Variants in SF3B3 observed in about 807,000 individuals in gnomAD.
SF3B3 encodes the protein SAP 130.
In SF3B3, 33 loss-of-function variants were observed where a neutral mutation model predicts 139.2. That is an observed-to-expected ratio of 0.24 (90% confidence interval 0.18 to 0.32). The LOEUF (loss-of-function observed/expected upper bound fraction) is 0.32. Ranked by LOEUF, SF3B3 falls within the 10% of genes least tolerant of loss-of-function variation. The probability of loss-of-function intolerance (pLI) is 1.00; values close to 1 mark genes in which losing one functional copy is unlikely to be tolerated. For missense variants in SF3B3, 818 were observed against 1,509.4 expected (o/e 0.54, Z 7.59); for synonymous variants, 596 against 563.6 (o/e 1.06, Z -0.81).
intron 8 of SF3B3, among the ~76,000 whole-genome samples, chr16:70,540,977 C>T (rs2050214382): frequency 6.6e-6 from 1 of 152,188 alleles, no homozygotes; most frequent in Admixed American, 6.5e-5. Context: ...AGTGGAATTA[C>T]TGGGTCATGG....
intron 21 of SF3B3, 121 bp downstream of exon 21, chr16:70,567,657 A>G (rs2050489689): frequency 1.7e-6 from 2 of 1,198,754 alleles, no homozygotes; most frequent in African/African-American, 1.6e-5. Flanking sequence ...TGTTACCCCA[A>G]TTCCAGCTTC....
At position 70,563,930 on chromosome 16, in the gene SF3B3, G is replaced by T. The variant is rs907710605; in HGVS notation, c.2343G>T (p.Leu781=). 9 of 1,613,958 alleles carry T rather than the reference G, an allele frequency of 5.6e-6. No homozygotes were observed. Among genetic ancestry groups the T allele is most frequent in the Non-Finnish European group, 7.6e-6 (9 of 1,180,008 alleles). Residue 781 remains leucine, a synonymous_variant, in exon 18 of 26, where the codon CTG becomes CTT. Transcript: ENST00000302516. ...TCTTCAATCAAGTAGCCTTCCCACT[G>T]CAGTACACACCCAGGAAATTTGTCA... ...GAVFNQVAFP[L]QYTPRKFVIH...
At chr16:70,568,532 G>A (rs761518947) in intron 22 of SF3B3, 37 bp downstream of exon 22, 2 of 1,537,640 alleles carry the variant, frequency 1.3e-6, no homozygotes, top group Non-Finnish European at 1.8e-6. Flanking sequence ...ACAGTGATGT[G>A]TAGGAAAGCT....
At chr16:70,527,136 C>T (rs2050071952) in intron 2 of SF3B3, 1 of 171,256 alleles carries the variant, frequency 5.8e-6, no homozygotes, top group South Asian at 1.7e-4. Context: ...TGGTTTGGTG[C>T]TTGAAGAGAT....
intron 16 of SF3B3, chr16:70,561,309 C>G (rs2050426460): frequency 5.0e-6 from 1 of 201,320 alleles, no homozygotes. Flanking sequence ...GCATGAGCCA[C>G]CGCACCTGGC....
chr16:70,536,471 TC>T (rs1422849873), intron 6 of SF3B3, among the ~76,000 whole-genome samples: 2 of 151,882 alleles, frequency 1.3e-5, no homozygotes, highest in African/African-American at 4.8e-5. Context: ...TCACGCCATT[TC>T]TCCTGCCTCA....
intron 20 of SF3B3, among the ~76,000 whole-genome samples, chr16:70,567,079 C>G (rs1270608210): frequency 6.6e-6 from 1 of 151,812 alleles, no homozygotes; most frequent in Non-Finnish European, 1.5e-5. Context: ...TCACTTTTCA[C>G]TAGCATTTCT....
intron 2 of SF3B3, among the ~76,000 whole-genome samples, chr16:70,528,361 C>T (rs1305997985): frequency 1.3e-5 from 2 of 150,264 alleles, no homozygotes; most frequent in Admixed American, 6.7e-5. Context: ...GATGGGATCC[C>T]ACCATGTTGG....
rs1428234482 is a variant in SF3B3 at position 70,569,026 on chromosome 16, G to T, written c.3166-17G>T. On this transcript the variant is annotated splice_polypyrimidine_tract_variant and intron_variant, in intron 22 of 25. Transcript: ENST00000302516. ...GGTCCGGGCCCCAGCAGTGTGACTTGTGTCACTTCCTTGTAGGTGAGGCTC... is the reference window on the plus strand; with the variant it reads ...GGTCCGGGCCCCAGCAGTGTGACTTTTGTCACTTCCTTGTAGGTGAGGCTC... The T allele has an allele frequency of 2.5e-6, 4 of 1,585,418 alleles. No homozygotes were observed. In the African/African-American group the frequency reaches 5.4e-5, roughly 21 times the overall value.
chr16:70,545,355 C>T (rs2050258477), intron 10 of SF3B3, among the ~76,000 whole-genome samples: 1 of 152,256 alleles, frequency 6.6e-6, no homozygotes, highest in South Asian at 2.1e-4. Context: ...CCGTGAGCCA[C>T]CGCACCTGGC....
chr16:70,546,976 C>T (rs1015136932), intron 10 of SF3B3, among the ~76,000 whole-genome samples: 12 of 151,840 alleles, frequency 7.9e-5, no homozygotes, highest in African/African-American at 1.5e-4. Flanking sequence ...TGCAGTGAGC[C>T]AAGATCGCGC....
chr16:70,575,664 CT>C lies in SF3B3; in HGVS notation c.*3852del, dbSNP rs1416796865. 1 of 152,340 alleles carries C rather than the reference CT, an allele frequency of 6.6e-6. No homozygotes were observed. The highest frequency in any genetic ancestry group is 2.4e-5 in the African/African-American group (1 of 41,470). The allele number at this position is 152,340 out of a possible 1,614,324, so 9.4% of individuals were successfully genotyped here. A position where few individuals can be genotyped will look rare whatever the true frequency, so the allele number is the denominator to read the frequency against. On this transcript the variant is annotated 3_prime_UTR_variant, in exon 26 of 26. Coordinates refer to ENST00000302516, the MANE Select transcript of SF3B3 (RefSeq NM_012426.5). ...GTTTATAACCAGGCAGTCTCTGTCG[CT>C]GTGAGGTTGGTGGTGAGGTGAGTCT...
In SF3B3 at chr16:70,565,401, A is replaced by G; in HGVS notation, c.2703A>G (p.Glu901=). ...TGTGCAGGTTTTCCAACACTGGTGAAGACTGGTATGTGCTGGTGGGTGTGG... is the reference window on the plus strand; with the variant it reads ...TGTGCAGGTTTTCCAACACTGGTGAGGACTGGTATGTGCTGGTGGGTGTGG... ...VAVCRFSNTG[E]DWYVLVGVAK... The change falls in exon 20 of 26, where the codon GAA becomes GAG. Residue 901 remains glutamate (E), a synonymous_variant. Transcript: ENST00000302516. 6.2e-7 allele frequency: 1 copy of G among 1,614,136 alleles called. No homozygotes were observed. The highest frequency in any genetic ancestry group is 8.5e-7 in the Non-Finnish European group (1 of 1,180,038).
At position 70,557,526 on chromosome 16, in the gene SF3B3, T is replaced by G. The variant is rs574865577; in HGVS notation, c.2010+497T>G. Among the ~76,000 whole-genome samples the G allele has an allele frequency of 3.3e-5, 5 of 152,356 alleles. No individual in the cohort carries two copies. The South Asian group carries it at 6.2e-4, about 19-fold the overall frequency. On this transcript the variant is annotated intron_variant, in intron 15 of 25. Coordinates refer to ENST00000302516, the MANE Select transcript of SF3B3 (RefSeq NM_012426.5). Reference sequence around the variant, plus strand: ...ATGATTATTGACTCAGACATCTAAGTAATCTAGCCCAGGTACTTTTTGCTT... The same window carrying G: ...ATGATTATTGACTCAGACATCTAAGGAATCTAGCCCAGGTACTTTTTGCTT...
chr16:70,544,222 C>G (rs1334719439), intron 9 of SF3B3, among the ~76,000 whole-genome samples: 2 of 152,158 alleles, frequency 1.3e-5, no homozygotes, highest in Non-Finnish European at 2.9e-5. Flanking sequence ...GTCTGTGTTA[C>G]AGTAGACTCC....
intron 1 of SF3B3, among the ~76,000 whole-genome samples, chr16:70,526,347 A>G (rs2050063576): frequency 6.6e-6 from 1 of 152,084 alleles, no homozygotes; most frequent in Admixed American, 6.6e-5. Flanking sequence ...AGCTGGGACT[A>G]CAGGCGCACA....
chr16:70,535,192 TC>T (rs2050155023), intron 5 of SF3B3, 115 bp from the exon 6 acceptor site: 1 of 551,096 alleles, frequency 1.8e-6, no homozygotes, highest in Non-Finnish European at 3.3e-6. Context: ...ATGAAATGTT[TC>T]TTAGCATCAG....
At position 70,572,109 on chromosome 16, in the gene SF3B3, G is replaced by C; in HGVS notation, c.*296G>C. ...AGCCATCCCTGCATTGATATGTCTT[G>C]ACTCTCCTGTCTACTTTTGCACACA... On this transcript the variant is annotated 3_prime_UTR_variant, in exon 26 of 26. Coordinates refer to ENST00000302516, the MANE Select transcript of SF3B3 (RefSeq NM_012426.5). 8.7e-6 allele frequency: 5 copies of C among 575,398 alleles called. No homozygotes were observed. Among genetic ancestry groups the C allele is most frequent in the South Asian group, 7.6e-5 (5 of 65,614 alleles). 35.6% of individuals were successfully genotyped at this position (575,398 alleles called of 1,614,324 possible). A position where few individuals can be genotyped will look rare whatever the true frequency, so the allele number is the denominator to read the frequency against.
At position 70,572,706 on chromosome 16, in the gene SF3B3, A is replaced by G. The variant is rs1378594190; in HGVS notation, c.*893A>G. 1 of 152,580 alleles carries G rather than the reference A, an allele frequency of 6.6e-6. No individual in the cohort carries two copies. The highest frequency in any genetic ancestry group is 1.5e-5 in the Non-Finnish European group (1 of 68,384). 9.5% of individuals were successfully genotyped at this position (152,580 alleles called of 1,614,324 possible). ...GGACCATAGGAAGGGTCAGTACAGA[A>G]GAACCTAGATACTGCCCTGCCCCTG... On this transcript the variant is annotated 3_prime_UTR_variant, in exon 26 of 26. Transcript: ENST00000302516.
Sources: gnomAD v4.1 joint callset for allele counts (sites outside exome capture counted in the v4.1 genomes callset) on GRCh38, gnomAD v4.1.1 for gene constraint, MANE v1.5 for transcripts, NCBI Gene and HGNC (gene_info 2026-07-23, HGNC 2026-07-21) for gene names.